The following SRGAP3 variants were observed in gnomAD, a reference collection of about 807,000 sequenced individuals.
The protein encoded by SRGAP3 is SLIT-ROBO Rho GTPase-activating protein 3.
A neutral mutation model predicts 121.1 loss-of-function variants in SRGAP3; 39 were observed. That is an observed-to-expected ratio of 0.32 (90% CI 0.25 to 0.42). The LOEUF (loss-of-function observed/expected upper bound fraction) is 0.42, where lower values mean the gene tolerates loss of function less well. Ranked by LOEUF, SRGAP3 falls within the 10% of genes least tolerant of loss-of-function variation. SRGAP3 has a pLI of 1.00. For synonymous variants in SRGAP3, 601 were observed against 570.0 expected (o/e 1.05, Z -0.77); for missense variants, 1,213 against 1,470.6 (o/e 0.82, Z 2.86).
intron 1 of SRGAP3, chr3:9,235,881 T>G (rs1243060467): frequency 6.6e-6 from 1 of 152,396 alleles, no homozygotes; most frequent in Admixed American, 6.6e-5. Flanking sequence ...GCATTTAATG[T>G]GAATGCATTT....
At chr3:9,057,400 T>G (rs1398268894) in intron 7 of SRGAP3, among the ~76,000 whole-genome samples, 1 of 152,266 alleles carries the variant, frequency 6.6e-6, no homozygotes, top group Non-Finnish European at 1.5e-5. Context: ...GTGGTCACCA[T>G]GAGGCCAGCA....
chr3:9,116,661 A>T (rs1948817063), intron 2 of SRGAP3, among the ~76,000 whole-genome samples: 1 of 152,180 alleles, frequency 6.6e-6, no homozygotes, highest in Admixed American at 6.5e-5. Context: ...TCATCCAAGG[A>T]GGATATGGTC....
At chr3:9,028,177 G>C in intron 12 of SRGAP3, 1 of 1,611,446 alleles carries the variant, frequency 6.2e-7, no homozygotes, top group South Asian at 1.1e-5. Context: ...AAAAAGAAAA[G>C]ATTATGCAGG....
At chr3:9,253,466 C>T (rs747508987), upstream of SRGAP3, among the ~76,000 whole-genome samples, 1 of 152,082 alleles carries the variant, frequency 6.6e-6, no homozygotes. Context: ...CTCACTGAAC[C>T]GGTTTCTTTT....
chr3:9,221,117 G>T (rs909354315), intron 1 of SRGAP3, among the ~76,000 whole-genome samples: 2 of 150,154 alleles, frequency 1.3e-5, no homozygotes, highest in African/African-American at 4.9e-5. Context: ...CCCCAGCACT[G>T]CCCCTTCCCC....
intron 3 of SRGAP3, among the ~76,000 whole-genome samples, chr3:9,095,657 T>C (rs1947937674): frequency 6.6e-6 from 1 of 152,246 alleles, no homozygotes; most frequent in African/African-American, 2.4e-5. Context: ...GCTCTCTTTC[T>C]GGGCTCTCTT....
At position 8,982,042 on chromosome 3, in the gene SRGAP3, G is replaced by A. The variant is rs1421396639; in HGVS notation, c.*3477C>T. The A allele has an allele frequency of 8.8e-6, 2 of 226,000 alleles. No individual in the cohort carries two copies. Among genetic ancestry groups the A allele is most frequent in the Non-Finnish European group, 1.8e-5 (2 of 113,434 alleles). The allele number at this position is 226,000 out of a possible 1,614,324, so 14.0% of individuals were successfully genotyped here. A position where few individuals can be genotyped will look rare whatever the true frequency, so the allele number is the denominator to read the frequency against. On this transcript the variant is annotated 3_prime_UTR_variant, in exon 22 of 22. Coordinates refer to ENST00000383836, the MANE Select transcript of SRGAP3 (RefSeq NM_014850.4). ...CTTTAAGAGGAAAAGGGAATAAAAG[G>A]GGACGGGGAGAGTGGGGTAGGAAGC...
At chr3:9,329,641 G>A (rs1955573181) in intron 2 of SRGAP3, among the ~76,000 whole-genome samples, 1 of 152,208 alleles carries the variant, frequency 6.6e-6, no homozygotes, top group Non-Finnish European at 1.5e-5. Flanking sequence ...CTATGGCAGG[G>A]TGCGGAAGGT....
At chr3:9,156,063 C>T (rs1277224711) in intron 1 of SRGAP3, among the ~76,000 whole-genome samples, 4 of 152,262 alleles carry the variant, frequency 2.6e-5, no homozygotes, top group African/African-American at 7.2e-5. Context: ...GATCCACCCG[C>T]CTCGGCCTCC....
intron 1 of SRGAP3, chr3:9,330,719 T>C (rs1477713858): frequency 6.6e-6 from 1 of 152,058 alleles, no homozygotes; most frequent in Non-Finnish European, 1.5e-5. Context: ...GGGTAGCTTG[T>C]GGTCAGAACA....
At chr3:9,303,281 T>C (rs1197782074) in intron 3 of SRGAP3, among the ~76,000 whole-genome samples, 4 of 152,070 alleles carry the variant, frequency 2.6e-5, no homozygotes, top group African/African-American at 9.7e-5. Flanking sequence ...GCAAATTAGC[T>C]GGGCATGGTG....
chr3:9,277,521 T>A (rs1954606975), intron 3 of SRGAP3, among the ~76,000 whole-genome samples: 1 of 150,276 alleles, frequency 6.7e-6, no homozygotes, highest in Non-Finnish European at 1.5e-5. Context: ...GGCAGGAGAA[T>A]TGCTTGAACC....
At chr3:9,018,870 C>A (rs1219893098) in intron 14 of SRGAP3, among the ~76,000 whole-genome samples, 1 of 152,164 alleles carries the variant, frequency 6.6e-6, no homozygotes, top group African/African-American at 2.4e-5. Flanking sequence ...ACCTTTTAAC[C>A]ATTTTCATTC....
rs1954714923 is a variant in SRGAP3, at chr3:9,283,379, A to G, written n.442+42631T>C. Among the ~76,000 whole-genome samples, 5 of 152,330 alleles carry G rather than the reference A, an allele frequency of 3.3e-5. No individual in the cohort carries two copies. In the South Asian group the frequency reaches 1.0e-3, roughly 32 times the overall value. On this transcript the variant is annotated intron_variant and non_coding_transcript_variant, in intron 3 of 3. Transcript: ENST00000490889. The stretch of plus-strand genomic sequence containing the variant: ...TTCTTATGCATGATTTTGTAACATC[A>G]TGCATTGGATGATATTGGAAAATAT...
intron 4 of SRGAP3, among the ~76,000 whole-genome samples, chr3:9,077,700 C>G (rs1947037877): frequency 1.3e-5 from 2 of 152,236 alleles, no homozygotes; most frequent in African/African-American, 4.8e-5. Flanking sequence ...TGCCCTGCAG[C>G]CAGCACAGGG....
rs536556704 is a variant in SRGAP3 at position 9,018,582 on chromosome 3, T to G, written c.1679-2851A>C. ...GTGACATGATATTTGTGGTTTTGAT[T>G]TGCATGAAATGTATACTTCAAAAAA... On this transcript the variant is annotated intron_variant, in intron 14 of 21. Coordinates refer to ENST00000383836, the MANE Select transcript of SRGAP3 (RefSeq NM_014850.4). Among the ~76,000 whole-genome samples, 4 of 152,312 alleles carry G rather than the reference T, an allele frequency of 2.6e-5. No individual in the cohort carries two copies. In the South Asian group the frequency reaches 6.2e-4, roughly 24 times the overall value.
intron 20 of SRGAP3, among the ~76,000 whole-genome samples, chr3:8,992,092 A>C (rs1300124501): frequency 6.6e-6 from 1 of 152,220 alleles, no homozygotes; most frequent in Admixed American, 6.5e-5. Context: ...AAGAGGCATC[A>C]GGATTTTTGC....
rs1276878597 is a variant in SRGAP3 at position 8,982,718 on chromosome 3, C to T, written c.*2801G>A. ...AGGAAGTGGGAACAGGGGAGGGGGG[C>T]GGGAAAGTATTTTTCCACTTGGCCT... On this transcript the variant is annotated 3_prime_UTR_variant, in exon 22 of 22. Coordinates refer to ENST00000383836, the MANE Select transcript of SRGAP3 (RefSeq NM_014850.4). 8 of 157,638 alleles carry T rather than the reference C, an allele frequency of 5.1e-5. No homozygotes were observed. Among genetic ancestry groups the T allele is most frequent in the Admixed American group, 3.5e-4 (3 of 8,556 alleles). 9.8% of individuals were successfully genotyped at this position (157,638 alleles called of 1,614,324 possible). A position where few individuals can be genotyped will look rare whatever the true frequency, so the allele number is the denominator to read the frequency against.
intron 1 of SRGAP3, among the ~76,000 whole-genome samples, chr3:9,160,455 T>C (rs527596470): frequency 6.6e-6 from 1 of 152,048 alleles, no homozygotes; most frequent in Middle Eastern, 3.4e-3. Context: ...TATAGAGAGG[T>C]CCACGTGGCG....
Sources: allele counts gnomAD v4.1 joint callset (sites outside exome capture counted in the v4.1 genomes callset), GRCh38; gene constraint gnomAD v4.1.1; transcripts MANE v1.5; gene names NCBI Gene and HGNC (gene_info 2026-07-23, HGNC 2026-07-21).